The following RAP1GAP2 variants were observed in gnomAD, a reference collection of about 807,000 sequenced individuals.
The protein encoded by RAP1GAP2 is rap1 GTPase-activating protein 2.
In RAP1GAP2, 27 loss-of-function variants were observed where a neutral mutation model predicts 95.0. The ratio of observed to expected loss-of-function variants is 0.28; its 90% CI spans 0.21 to 0.39. RAP1GAP2 has a LOEUF of 0.39. RAP1GAP2 is among the 10% of genes least tolerant of loss of function. RAP1GAP2 has a pLI of 1.00. For missense variants in RAP1GAP2, 771 were observed against 970.0 expected, an observed-to-expected ratio of 0.79 and a Z score of 2.72; for synonymous variants, 373 against 380.9, an observed-to-expected ratio of 0.98 and a Z score of 0.24.
Position 2,760,372 on chromosome 17 carries a change from G to C in RAP1GAP2, c.50+4605G>C, listed in dbSNP as rs138385923. Reference sequence around the variant, plus strand: ...TCACTTTTTTTTGAGACGGAGTCTTGCTCTGTCGCCCAGGGTGGAGTGTAG... The same window carrying C: ...TCACTTTTTTTTGAGACGGAGTCTTCCTCTGTCGCCCAGGGTGGAGTGTAG... On this transcript the variant is annotated intron_variant, in intron 1 of 25. Transcript: ENST00000637138. Among the ~76,000 whole-genome samples, 355 of 150,074 alleles carry C rather than the reference G, an allele frequency of 2.4e-3. 3 individuals carry two copies. Among genetic ancestry groups the C allele is most frequent in the South Asian group, 9.9e-3 (47 of 4,730 alleles).
rs1177265162 is a variant in RAP1GAP2, at chr17:2,857,875, G to A, written c.81-47409G>A. The stretch of plus-strand genomic sequence containing the variant: ...AGCACTTTGGGAGGCCGAGGTGGGT[G>A]GACCACCTGAGGTCAGGAGTTGAAA... On this transcript the variant is annotated intron_variant, in intron 2 of 24. Coordinates refer to ENST00000254695, the MANE Select transcript of RAP1GAP2 (RefSeq NM_015085.5). The surrounding 1 kb of genome is among the most constrained non-coding windows in gnomAD (Gnocchi z 4.0). Among the ~76,000 whole-genome samples, 1 of 152,204 alleles carries A rather than the reference G, an allele frequency of 6.6e-6. No individual in the cohort carries two copies. Among genetic ancestry groups the A allele is most frequent in the Non-Finnish European group, 1.5e-5 (1 of 68,038 alleles).
chr17:2,807,702 A>G (rs896109238), intron 2 of RAP1GAP2, among the ~76,000 whole-genome samples: 1 of 152,138 alleles, frequency 6.6e-6, no homozygotes, highest in African/African-American at 2.4e-5. Flanking sequence ...GGGAGCAGTT[A>G]CTATTACCAG....
chr17:2,923,372 C>G (rs1397203947), intron 3 of RAP1GAP2, among the ~76,000 whole-genome samples: 3 of 142,016 alleles, frequency 2.1e-5, no homozygotes, highest in African/African-American at 7.9e-5. Flanking sequence ...CGCTCTGTTG[C>G]CCAGGCTGGA....
chr17:2,830,679 A>G (rs986685057), intron 2 of RAP1GAP2, among the ~76,000 whole-genome samples: 1 of 152,138 alleles, frequency 6.6e-6, no homozygotes, highest in Non-Finnish European at 1.5e-5. Flanking sequence ...ACACCACTGC[A>G]CTCCAGCCTG....
At chr17:2,822,628 T>G (rs1483324107) in intron 2 of RAP1GAP2, among the ~76,000 whole-genome samples, 18 of 86,054 alleles carry the variant, frequency 2.1e-4, no homozygotes, top group East Asian at 1.0e-3. Flanking sequence ...TTTTTTTTTG[T>G]TTTTTTTTTT....
intron 2 of RAP1GAP2, among the ~76,000 whole-genome samples, chr17:2,771,486 G>GT (rs566884358): frequency 0.18 from 21,515 of 121,736 alleles, 2,149 homozygotes; most frequent in South Asian, 0.36. Flanking sequence ...CCACTTTTTT[G>GT]TTTTTTTTTT....
chr17:2,932,321 C>T (rs893902520), intron 3 of RAP1GAP2, among the ~76,000 whole-genome samples: 3 of 151,852 alleles, frequency 2.0e-5, no homozygotes, highest in Non-Finnish European at 2.9e-5. Flanking sequence ...TTAGTGGTGA[C>T]GGGGCACCTC....
In RAP1GAP2 at chr17:2,781,767, C is replaced by T. The variant is rs570763202; in HGVS notation, c.-14+4489C>T. On this transcript the variant is annotated intron_variant, in intron 1 of 24. Transcript: ENST00000540393. ...GTGTGAGTACGTCTCTGTGTGTGCA[C>T]GTCTGTGTGTGCACGTTTCTGTGTG... 2.4e-4 allele frequency among the ~76,000 whole-genome samples: 27 copies of T among 112,782 alleles called. 1 individual carries two copies. The highest frequency in any genetic ancestry group is 6.4e-4 in the South Asian group (2 of 3,138). 74.0% of individuals were successfully genotyped at this position (112,782 alleles called of 152,430 possible). A position where few individuals can be genotyped will look rare whatever the true frequency, so the allele number is the denominator to read the frequency against.
At chr17:2,779,831 G>A (rs1327115801) in intron 1 of RAP1GAP2, among the ~76,000 whole-genome samples, 1 of 151,988 alleles carries the variant, frequency 6.6e-6, no homozygotes, top group African/African-American at 2.4e-5. Context: ...TGAGCGGGTT[G>A]GCAGAAGGTG....
intron 3 of RAP1GAP2, among the ~76,000 whole-genome samples, chr17:2,910,719 T>G (rs1485265293): frequency 6.6e-6 from 1 of 152,182 alleles, no homozygotes; most frequent in African/African-American, 2.4e-5. Flanking sequence ...ATAAGTTACA[T>G]TCTTTATTTT....
chr17:2,957,737 T>C, intron 3 of RAP1GAP2, 22 bp from the exon 4 acceptor site: 1 of 1,603,808 alleles, frequency 6.2e-7, no homozygotes, highest in Non-Finnish European at 8.5e-7. Flanking sequence ...TGTCTTTCTG[T>C]CCCCCTGCTT....
intron 10 of RAP1GAP2, among the ~76,000 whole-genome samples, chr17:2,982,411 A>G (rs1433944421): frequency 6.6e-6 from 1 of 152,204 alleles, no homozygotes; most frequent in African/African-American, 2.4e-5. Flanking sequence ...TGCTGGGATT[A>G]CAGGCGTGAG....
intron 19 of RAP1GAP2, 46 bp downstream of exon 19, chr17:3,020,641 T>A: frequency 6.6e-7 from 1 of 1,522,988 alleles, no homozygotes; most frequent in African/African-American, 1.4e-5. Flanking sequence ...GCGGGGTCTG[T>A]CAACCCCCTC....
rs1019276714 is a variant in RAP1GAP2, at chr17:2,857,445, A to G, written c.81-47839A>G. On this transcript the variant is annotated intron_variant, in intron 2 of 24. Coordinates refer to ENST00000254695, the MANE Select transcript of RAP1GAP2 (RefSeq NM_015085.5). The surrounding 1 kb of genome is among the most constrained non-coding windows in gnomAD (Gnocchi z 4.0). ...TGGTAGTTCCCAAGAACTGTGCTCC[A>G]GGCTCCAACTTCAATTTCCGTTTTC... Among the ~76,000 whole-genome samples the G allele has an allele frequency of 6.6e-6, 1 of 152,226 alleles. No individual in the cohort carries two copies. Among genetic ancestry groups the G allele is most frequent in the Non-Finnish European group, 1.5e-5 (1 of 68,036 alleles).
At chr17:3,013,203 C>T (rs561101102) in intron 17 of RAP1GAP2, among the ~76,000 whole-genome samples, 89 of 152,320 alleles carry the variant, frequency 5.8e-4, no homozygotes, top group South Asian at 2.5e-3. Context: ...TTTGTGGCCC[C>T]GCAGTACCTG....
intron 8 of RAP1GAP2, among the ~76,000 whole-genome samples, chr17:2,975,878 C>G (rs1233835497): frequency 6.6e-6 from 1 of 152,256 alleles, no homozygotes; most frequent in Non-Finnish European, 1.5e-5. Flanking sequence ...ACACCTTACT[C>G]TGTTGTTTGT....
intron 17 of RAP1GAP2, 68 bp from the exon 18 acceptor site, chr17:3,017,993 C>T: frequency 6.7e-7 from 1 of 1,500,838 alleles, no homozygotes; most frequent in Non-Finnish European, 8.9e-7. Flanking sequence ...CTACAGACCC[C>T]ACGAGGAGGG....
chr17:2,827,637 C>T lies in RAP1GAP2; in HGVS notation c.80+27087C>T, dbSNP rs924132055. Among the ~76,000 whole-genome samples, 3 of 151,036 alleles carry T rather than the reference C, an allele frequency of 2.0e-5. No individual in the cohort carries two copies. Among genetic ancestry groups the T allele is most frequent in the Admixed American group, 2.0e-4 (3 of 15,152 alleles). ...AGCCTGGATAACATGGTGAAACCCC[C>T]TCTCTACTAAAAATACAAAAATTAG... On this transcript the variant is annotated intron_variant, in intron 2 of 24. Transcript: ENST00000254695. The surrounding 1 kb of genome is among the most constrained non-coding windows in gnomAD (Gnocchi z 4.1).
chr17:2,909,707 G>T (rs933183349), intron 3 of RAP1GAP2, among the ~76,000 whole-genome samples: 10 of 152,118 alleles, frequency 6.6e-5, no homozygotes, highest in Non-Finnish European at 1.0e-4. Flanking sequence ...CTCCTCCCCC[G>T]TGTTCTGTCC....
Sources: gnomAD v4.1 joint callset for allele counts (sites outside exome capture counted in the v4.1 genomes callset) on GRCh38, gnomAD v4.1.1 for gene constraint, Gnocchi (gnomAD v3.1) non-coding constraint, MANE v1.5 for transcripts, NCBI Gene and HGNC (gene_info 2026-07-23, HGNC 2026-07-21) for gene names.